The following FES variants were observed in gnomAD, a reference collection of about 807,000 sequenced individuals.
The protein encoded by FES is FES proto-oncogene, tyrosine kinase.
Under a neutral mutation model 109.6 loss-of-function variants are expected in FES, and 83 were observed. The observed-to-expected ratio is 0.76, with a 90% CI of 0.63 to 0.91. The LOEUF (loss-of-function observed/expected upper bound fraction) is 0.91, where lower values mean the gene tolerates loss of function less well. Among genes scored for constraint, FES ranks in the 40% least tolerant of loss-of-function variants. The pLI is 0.00. For synonymous variants in FES, 458 were observed against 442.1 expected, an observed-to-expected ratio of 1.04 and a Z score of -0.45; for missense variants, 943 against 1,070.9, an observed-to-expected ratio of 0.88 and a Z score of 1.67.
chr15:90,892,134 CCTT>C, intron 13 of FES, 23 bp downstream of exon 13: 2 of 1,613,800 alleles, frequency 1.2e-6, no homozygotes, highest in South Asian at 2.2e-5. Context: ...CTGCTGGCCT[CCTT>C]GTCGCTGGCG....
In FES at chr15:90,890,556, A is replaced by G. The variant is rs2033117456; in HGVS notation, c.1320+72A>G. 62 of 1,396,220 alleles carry G rather than the reference A, an allele frequency of 4.4e-5. No individual in the cohort carries two copies. The South Asian group carries it at 6.5e-4, about 15-fold the overall frequency. 86.5% of individuals were successfully genotyped at this position (1,396,220 alleles called of 1,614,324 possible). A position where few individuals can be genotyped will look rare whatever the true frequency, so the allele number is the denominator to read the frequency against. ...TAATCACTGGGATGTCCTAGAGAGGAGGCTCTGCCCAGGCTGCTTGTATTG... is the reference window on the plus strand; with the variant it reads ...TAATCACTGGGATGTCCTAGAGAGGGGGCTCTGCCCAGGCTGCTTGTATTG... On this transcript the variant is annotated intron_variant, in intron 10 of 18. Coordinates refer to ENST00000328850, the MANE Select transcript of FES (RefSeq NM_002005.4).
At chr15:90,890,314 G>A (rs764510721) in intron 9 of FES, 36 bp downstream of exon 9, 40 of 1,588,704 alleles carry the variant, frequency 2.5e-5, no homozygotes, top group African/African-American at 8.0e-5. Flanking sequence ...GCCCGCCACC[G>A]GCCTGCCCAC....
Position 90,892,721 on chromosome 15 carries a change from AGT to A in FES, c.1725_1726del (p.Phe576GlnfsTer23), listed in dbSNP as rs1469908994. On this transcript the variant is annotated frameshift_variant, in exon 14 of 19. Transcript: ENST00000328850. LOFTEE classifies it high-confidence loss of function. ...EQIGRGNFGE[V>X]FSGRLRADNT... ...GACCGTTTCAGGGGAACTTTGGCGA[AGT>A]GTTCAGCGGACGCCTGCGAGCCGAC... 1 of 1,609,758 alleles carries A rather than the reference AGT, an allele frequency of 6.2e-7. No homozygotes were observed. Among genetic ancestry groups the A allele is most frequent in the Non-Finnish European group, 8.5e-7 (1 of 1,178,150 alleles).
Position 90,886,977 on chromosome 15 carries a change from T to C in FES, c.404T>C (p.Ile135Thr), listed in dbSNP as rs750335707. The part of the protein sequence containing the change: ...QELTKTHSQD[I>T]EKLKSQYRAL... ...TCTCCCTAGACCCACAGCCAGGACA[T>C]TGAGAAGCTGAAGAGCCAGTACCGA... The change falls in exon 4 of 19, where the codon ATT becomes ACT. Residue 135 changes from isoleucine (I) to threonine (T), a missense_variant. Transcript: ENST00000328850. The C allele has an allele frequency of 4.3e-6, 7 of 1,614,072 alleles. No homozygotes were observed. Among genetic ancestry groups the C allele is most frequent in the Admixed American group, 3.3e-5 (2 of 60,024 alleles).
At chr15:90,892,524 C>A (rs1181974008) in intron 13 of FES, 183 bp from the exon 14 acceptor site, 2 of 595,530 alleles carry the variant, frequency 3.4e-6, no homozygotes, top group Non-Finnish European at 6.0e-6. Context: ...TCGGAGGCAA[C>A]TTTCCCTGCC....
In FES at chr15:90,893,288, C is replaced by T. The variant is rs1218126911; in HGVS notation, c.1922-3C>T. On this transcript the variant is annotated splice_region_variant and splice_polypyrimidine_tract_variant and intron_variant, in intron 15 of 18. Coordinates refer to ENST00000328850, the MANE Select transcript of FES (RefSeq NM_002005.4). ...GCTCAGCAGGGGTCCTCCCCACCTG[C>T]AGGGGGCGACTTCCTGACCTTCCTC... 6.2e-7 allele frequency: 1 copy of T among 1,602,184 alleles called. No homozygotes were observed. Among genetic ancestry groups the T allele is most frequent in the Admixed American group, 1.7e-5 (1 of 59,504 alleles).
rs199975821 is a variant in FES, at chr15:90,889,892, C to T, written c.979C>T (p.Arg327Trp). ...LAVATEMVFR[R>W]QEMVTQLQQE... ...TGTGGCCACCGAGATGGTGTTCAGGCGGCAGGAGATGGTTACGCAGCTGCA... is the reference window on the plus strand; with the variant it reads ...TGTGGCCACCGAGATGGTGTTCAGGTGGCAGGAGATGGTTACGCAGCTGCA... The change falls in exon 8 of 19, where the codon CGG becomes TGG. Residue 327 changes from arginine (R) to tryptophan (W), a missense_variant. Arg to Trp is a moderately radical substitution (Grantham distance 101). Transcript: ENST00000328850. The surrounding 1 kb of genome is among the most constrained non-coding windows in gnomAD (Gnocchi z 6.1). 57 of 1,613,454 alleles carry T rather than the reference C, an allele frequency of 3.5e-5. No homozygotes were observed. The highest frequency in any genetic ancestry group is 5.3e-5 in the African/African-American group (4 of 74,796).
At chr15:90,894,655 A>G (rs2033544270) in intron 18 of FES, among the ~76,000 whole-genome samples, 1 of 152,074 alleles carries the variant, frequency 6.6e-6, no homozygotes, top group South Asian at 2.1e-4. Flanking sequence ...AGTCCCTGCT[A>G]CTCGGGAGGC....
chr15:90,888,607 G>A (rs2032888601), intron 5 of FES, among the ~76,000 whole-genome samples: 1 of 152,090 alleles, frequency 6.6e-6, no homozygotes, highest in Non-Finnish European at 1.5e-5. Flanking sequence ...TTTCCCTATG[G>A]ATTGGAAGTG....
rs62640875 is a variant in FES, at chr15:90,892,763, G to A, written c.1764G>A (p.Ala588=). ...TGCGAGCCGACAACACCCTGGTGGC[G>A]GTGAAGTCTTGTCGAGAGACGCTCC... ...GRLRADNTLV[A]VKSCRETLPP... is the part of the protein sequence containing the mutation. Residue 588 remains alanine (A), a synonymous_variant, in exon 14 of 19, where the codon GCG becomes GCA. Coordinates refer to ENST00000328850, the MANE Select transcript of FES (RefSeq NM_002005.4). 1.6e-3 allele frequency: 2,658 copies of A among 1,613,708 alleles called. 36 individuals carry two copies. In the African/African-American group the frequency reaches 0.031, roughly 19 times the overall value.
At chr15:90,890,911 A>AC (rs1237105515) in intron 10 of FES, 71 bp from the exon 11 acceptor site, 4 of 1,421,562 alleles carry the variant, frequency 2.8e-6, no homozygotes, top group South Asian at 1.3e-5. Flanking sequence ...GGAGAGAGAG[A>AC]CCCCCGGCTG....
chr15:90,890,275 C>T lies in FES; in HGVS notation c.1233C>T (p.Ser411=). 5 of 1,590,426 alleles carry T rather than the reference C, an allele frequency of 3.1e-6. No homozygotes were observed. Among genetic ancestry groups the T allele is most frequent in the Non-Finnish European group, 4.3e-6 (5 of 1,171,160 alleles). ...LLQDDRHSTS[S]SEQEREGGRT... is the part of the protein sequence containing the mutation. ...AGGATGACCGCCACTCCACGTCGTCCTCGGTGAGCTGCCCCATCCGCGGCC... is the reference window on the plus strand; with the variant it reads ...AGGATGACCGCCACTCCACGTCGTCTTCGGTGAGCTGCCCCATCCGCGGCC... The change falls in exon 9 of 19, where the codon TCC becomes TCT. Residue 411 remains serine (S), a synonymous_variant. Transcript: ENST00000328850.
At chr15:90,887,400 C>T (rs773105691) in intron 5 of FES, 30 bp downstream of exon 5, 140 of 1,577,434 alleles carry the variant, frequency 8.9e-5, no homozygotes, top group Middle Eastern at 4.1e-4. Context: ...CCCTGGCCCC[C>T]ACCCTTGAGC....
At chr15:90,891,816 G>C (rs2033244366) in intron 12 of FES, 140 bp downstream of exon 12, 1 of 1,320,268 alleles carries the variant, frequency 7.6e-7, no homozygotes, top group Non-Finnish European at 1.0e-6. Context: ...GACCCTCAGG[G>C]CCAGCCTTGC....
At chr15:90,894,495 G>A (rs2033527838) in intron 18 of FES, among the ~76,000 whole-genome samples, 1 of 152,198 alleles carries the variant, frequency 6.6e-6, no homozygotes, top group African/African-American at 2.4e-5. Context: ...TGAGGTGGGA[G>A]AATTGCTTGA....
chr15:90,894,041 G>A lies in FES; in HGVS notation c.2309G>A (p.Arg770Gln), dbSNP rs1178545469. 1.2e-6 allele frequency: 2 copies of A among 1,613,784 alleles called. No individual in the cohort carries two copies. Among genetic ancestry groups the A allele is most frequent in the Non-Finnish European group, 1.7e-6 (2 of 1,179,984 alleles). Reference sequence around the variant, plus strand: ...CCCAACCTCAGCAATCAGCAGACACGGGAGTTTGTGGAGAAGGGTAAGCAC... The same window carrying A: ...CCCAACCTCAGCAATCAGCAGACACAGGAGTTTGTGGAGAAGGGTAAGCAC... ...PYPNLSNQQT[R>Q]EFVEKGGRLP... Residue 770 changes from arginine to glutamine, a missense_variant, in exon 18 of 19, where the codon CGG (arginine) becomes CAG (glutamine). Arg to Gln is a conservative substitution (Grantham distance 43, BLOSUM62 1). Transcript: ENST00000328850.
At chr15:90,886,855 G>A in intron 3 of FES, 106 bp from the exon 4 acceptor site, 1 of 986,714 alleles carries the variant, frequency 1.0e-6, no homozygotes, top group Non-Finnish European at 1.6e-6. Flanking sequence ...GAAGTCTCCA[G>A]GTGCTCCTTG....
rs1461657708 is a variant in FES at position 90,889,121 on chromosome 15, TTATATA to T, written c.669-181_669-176del. 9.9e-6 allele frequency: 7 copies of T among 705,902 alleles called. No homozygotes were observed. Among genetic ancestry groups the T allele is most frequent in the Admixed American group, 8.8e-5 (3 of 34,104 alleles). The allele number at this position is 705,902 out of a possible 1,614,324, so 43.7% of individuals were successfully genotyped here. ...CTTATTACAACTGCCAGTGTCCCTC[TTATATA>T]TATCAGGAAATAGAAGATTAGGGAG... On this transcript the variant is annotated intron_variant, in intron 5 of 18. Transcript: ENST00000328850. This position sits in a 1 kb window ranked among gnomAD's most constrained non-coding sequence, Gnocchi z 6.1.
Position 90,893,775 on chromosome 15 carries a change from C to T in FES, c.2167C>T (p.Pro723Ser). The change falls in exon 17 of 19, where the codon CCC becomes TCC. Residue 723 changes from proline to serine, a missense_variant. By Grantham distance (74) the Pro-to-Ser change is moderately conservative. Transcript: ENST00000328850. The stretch of plus-strand genomic sequence containing the variant: ...AGCCTCAGGGGGCCTCAGACAAGTC[C>T]CCGTGAAGTGGACCGCACCTGAGGC... ...YAASGGLRQV[P>S]VKWTAPEALN... 1 of 1,605,302 alleles carries T rather than the reference C, an allele frequency of 6.2e-7. No individual in the cohort carries two copies.
Sources: allele counts gnomAD v4.1 joint callset (sites outside exome capture counted in the v4.1 genomes callset), GRCh38; gene constraint gnomAD v4.1.1; non-coding constraint Gnocchi (gnomAD v3.1); transcripts MANE v1.5; gene names NCBI Gene and HGNC (gene_info 2026-07-23, HGNC 2026-07-21).